Variants in PAIP2B observed in about 807,000 individuals in gnomAD.
PAIP2B encodes the protein polyadenylate-binding protein-interacting protein 2B.
PAIP2B carries 13 observed loss-of-function variants against 17.0 expected under a neutral mutation model. The observed-to-expected ratio is 0.76, with a 90% confidence interval of 0.50 to 1.22. PAIP2B has a LOEUF of 1.22. PAIP2B is among the 50% of genes most tolerant of loss of function. The pLI is 0.00. For missense variants in PAIP2B, 117 were observed against 144.5 expected (o/e 0.81, Z 0.98); for synonymous variants, 43 against 48.7 (o/e 0.88, Z 0.48).
rs1229266033 is a variant in PAIP2B at position 71,185,939 on chromosome 2, T to C, written c.*2540A>G. The C allele has an allele frequency of 1.3e-5, 2 of 152,242 alleles. No homozygotes were observed. The highest frequency in any genetic ancestry group is 4.8e-5 in the African/African-American group (2 of 41,460). The allele number at this position is 152,242 out of a possible 1,614,324, so 9.4% of individuals were successfully genotyped here. A position where few individuals can be genotyped will look rare whatever the true frequency, so the allele number is the denominator to read the frequency against. On this transcript the variant is annotated 3_prime_UTR_variant, in exon 4 of 4. Coordinates refer to ENST00000244221, the MANE Select transcript of PAIP2B (RefSeq NM_020459.1). ...TAAACTAACATTGGGACCAGCCAGATTGGCAACTGTTAGAAATACATGTTC... is the reference window on the plus strand; with the variant it reads ...TAAACTAACATTGGGACCAGCCAGACTGGCAACTGTTAGAAATACATGTTC...
chr2:71,188,824 T>A (rs548220525), intron 3 of PAIP2B, among the ~76,000 whole-genome samples: 2 of 152,268 alleles, frequency 1.3e-5, no homozygotes, highest in East Asian at 3.9e-4. Flanking sequence ...CTGAGTACCT[T>A]AACTTGGTGA....
chr2:71,209,790 A>G (rs1675243999), intron 1 of PAIP2B, among the ~76,000 whole-genome samples: 1 of 152,160 alleles, frequency 6.6e-6, no homozygotes, highest in South Asian at 2.1e-4. Context: ...AAGCAATACA[A>G]TAAATAATTT....
intron 1 of PAIP2B, among the ~76,000 whole-genome samples, chr2:71,215,993 A>G (rs1244114924): frequency 1.3e-5 from 2 of 152,212 alleles, no homozygotes; most frequent in African/African-American, 4.8e-5. Flanking sequence ...GTTGAGGTAC[A>G]AATCCTATAA....
chr2:71,201,044 T>A (rs1486918537), intron 2 of PAIP2B, among the ~76,000 whole-genome samples: 4 of 146,290 alleles, frequency 2.7e-5, no homozygotes, highest in Admixed American at 6.8e-5. Context: ...TGTGTGTGTG[T>A]GAATGTGTAT....
At chr2:71,192,452 C>CT (rs200565511) in intron 2 of PAIP2B, among the ~76,000 whole-genome samples, 8 of 150,802 alleles carry the variant, frequency 5.3e-5, no homozygotes, top group Admixed American at 2.0e-4. Context: ...TTTGATGTTA[C>CT]TTTTTTTTTA....
intron 2 of PAIP2B, among the ~76,000 whole-genome samples, chr2:71,191,168 A>C (rs2103754231): frequency 6.6e-6 from 1 of 152,300 alleles, no homozygotes; most frequent in South Asian, 2.1e-4. Context: ...CACTAGCACC[A>C]CCACCAGAAA....
chr2:71,198,444 C>T (rs1296623992), intron 2 of PAIP2B, among the ~76,000 whole-genome samples: 1 of 152,050 alleles, frequency 6.6e-6, no homozygotes, highest in Admixed American at 6.6e-5. Flanking sequence ...CGCTACCACG[C>T]CCGGCTAATT....
chr2:71,209,368 C>T (rs1558779547), intron 1 of PAIP2B, among the ~76,000 whole-genome samples: 1 of 152,164 alleles, frequency 6.6e-6, no homozygotes, highest in Non-Finnish European at 1.5e-5. Flanking sequence ...GTTATACATA[C>T]AGGAGGGAGA....
intron 1 of PAIP2B, among the ~76,000 whole-genome samples, chr2:71,210,017 G>T (rs752325013): frequency 6.6e-6 from 1 of 151,988 alleles, no homozygotes; most frequent in Admixed American, 6.6e-5. Context: ...GTAGAGACAG[G>T]GTTTCACTGT....
At chr2:71,221,534 C>A (rs917807674) in intron 1 of PAIP2B, among the ~76,000 whole-genome samples, 1 of 152,134 alleles carries the variant, frequency 6.6e-6, no homozygotes, top group African/African-American at 2.4e-5. Flanking sequence ...GAACAAATAA[C>A]CACACTATAA....
intron 1 of PAIP2B, among the ~76,000 whole-genome samples, chr2:71,226,280 G>A (rs552267723): frequency 1.3e-4 from 20 of 152,290 alleles, no homozygotes; most frequent in African/African-American, 4.6e-4. Context: ...AGAGGCAAGT[G>A]GAAAATGTTA....
intron 2 of PAIP2B, among the ~76,000 whole-genome samples, chr2:71,191,371 G>C (rs1674683874): frequency 6.6e-6 from 1 of 152,174 alleles, no homozygotes; most frequent in Non-Finnish European, 1.5e-5. Flanking sequence ...CCATTTGAGA[G>C]CTGCCCTGAC....
chr2:71,219,065 G>A (rs1457196093), intron 1 of PAIP2B, among the ~76,000 whole-genome samples: 11 of 147,420 alleles, frequency 7.5e-5, no homozygotes, highest in Admixed American at 2.7e-4. Flanking sequence ...ACAGGTGCCC[G>A]CCACCACGCC....
intron 2 of PAIP2B, among the ~76,000 whole-genome samples, chr2:71,198,170 A>G (rs1416409532): frequency 1.3e-5 from 2 of 152,066 alleles, no homozygotes; most frequent in African/African-American, 4.8e-5. Context: ...CCCAGGTTAG[A>G]GTGCAGTGAT....
intron 2 of PAIP2B, among the ~76,000 whole-genome samples, chr2:71,192,941 C>T (rs1039747380): frequency 6.6e-6 from 1 of 152,094 alleles, no homozygotes; most frequent in Non-Finnish European, 1.5e-5. Context: ...CTTTACATTC[C>T]TCTGGGTCTA....
intron 3 of PAIP2B, among the ~76,000 whole-genome samples, chr2:71,189,473 G>C (rs1674627585): frequency 6.6e-6 from 1 of 152,214 alleles, no homozygotes; most frequent in African/African-American, 2.4e-5. Flanking sequence ...ATTAAATACA[G>C]ATTTGAGGGA....
At chr2:71,207,293 G>A (rs1572931456) in intron 1 of PAIP2B, among the ~76,000 whole-genome samples, 1 of 152,152 alleles carries the variant, frequency 6.6e-6, no homozygotes, top group African/African-American at 2.4e-5. Context: ...CAATAGGGAG[G>A]AGAGAGAAAA....
At chr2:71,221,924 T>C (rs1675592304) in intron 1 of PAIP2B, among the ~76,000 whole-genome samples, 1 of 151,854 alleles carries the variant, frequency 6.6e-6, no homozygotes, top group Admixed American at 6.6e-5. Context: ...GCAGGGAGGA[T>C]TGAAAAAAGG....
intron 1 of PAIP2B, among the ~76,000 whole-genome samples, chr2:71,213,722 G>A (rs1019803381): frequency 9.2e-5 from 14 of 152,170 alleles, no homozygotes; most frequent in African/African-American, 1.7e-4. Context: ...TGAGACTTAA[G>A]TATGAATTGG....
Sources: gnomAD v4.1 joint callset for allele counts (sites outside exome capture counted in the v4.1 genomes callset) on GRCh38, gnomAD v4.1.1 for gene constraint, MANE v1.5 for transcripts, NCBI Gene and HGNC (gene_info 2026-07-23, HGNC 2026-07-21) for gene names.